Variants in SLC5A8 observed in about 807,000 individuals in gnomAD.
The protein encoded by SLC5A8 is solute carrier family 5 member 8.
Under a neutral mutation model 71.9 loss-of-function variants are expected in SLC5A8, and 55 were observed. The observed-to-expected ratio is 0.77, with a 90% CI of 0.62 to 0.96. The LOEUF (loss-of-function observed/expected upper bound fraction) is 0.96. SLC5A8 is among the 40% of genes least tolerant of loss of function. The pLI is 0.00. For missense variants in SLC5A8, 701 were observed against 745.3 expected (o/e 0.94, Z 0.69); for synonymous variants, 307 against 276.1 (o/e 1.11, Z -1.11).
intron 10 of SLC5A8, 129 bp downstream of exon 10, chr12:101,179,900 T>C: frequency 1.1e-6 from 1 of 898,036 alleles, no homozygotes; most frequent in Non-Finnish European, 1.8e-6. Flanking sequence ...TTAAAAAGTG[T>C]AGTCATCCCT....
At chr12:101,180,297 C>T (rs914414101) in intron 9 of SLC5A8, among the ~76,000 whole-genome samples, 1 of 152,204 alleles carries the variant, frequency 6.6e-6, no homozygotes, top group Non-Finnish European at 1.5e-5. Context: ...GAAGCCCTTA[C>T]ATTGTGTCCC....
intron 10 of SLC5A8, among the ~76,000 whole-genome samples, chr12:101,176,245 G>T (rs976285484): frequency 6.6e-6 from 1 of 151,892 alleles, no homozygotes; most frequent in African/African-American, 2.4e-5. Flanking sequence ...ATTTCTCAGA[G>T]ACAGATAGGC....
At chr12:101,159,881 T>C (rs780150237) in intron 13 of SLC5A8, among the ~76,000 whole-genome samples, 1 of 152,124 alleles carries the variant, frequency 6.6e-6, no homozygotes, top group Non-Finnish European at 1.5e-5. Context: ...TGGGAAAAGA[T>C]GAAAATCTGT....
At chr12:101,202,445 C>T (rs1425088109) in intron 2 of SLC5A8, among the ~76,000 whole-genome samples, 1 of 151,956 alleles carries the variant, frequency 6.6e-6, no homozygotes, top group Non-Finnish European at 1.5e-5. Flanking sequence ...TTGTGACCGG[C>T]TTATGTAAAA....
At chr12:101,157,678 A>G (rs757632723) in intron 14 of SLC5A8, among the ~76,000 whole-genome samples, 11 of 152,186 alleles carry the variant, frequency 7.2e-5, no homozygotes, top group Non-Finnish European at 1.5e-4. Flanking sequence ...GAGATATAAC[A>G]GATATAAGTT....
At position 101,195,177 on chromosome 12, in the gene SLC5A8, A is replaced by G; in HGVS notation, c.470-15T>C. ...AAATCCTGTGACTGTAGAAAAAAAT[A>G]GAATGCATATATAATTGTGAAATAT... On this transcript the variant is annotated splice_polypyrimidine_tract_variant and intron_variant, in intron 3 of 14. Coordinates refer to ENST00000536262, the MANE Select transcript of SLC5A8 (RefSeq NM_145913.5). The G allele has an allele frequency of 6.2e-7, 1 of 1,613,082 alleles. No individual in the cohort carries two copies. Among genetic ancestry groups the G allele is most frequent in the South Asian group, 1.1e-5 (1 of 90,852 alleles).
chr12:101,195,865 T>G (rs541603120), intron 3 of SLC5A8, among the ~76,000 whole-genome samples: 76 of 152,056 alleles, frequency 5.0e-4, no homozygotes, highest in African/African-American at 1.7e-3. Flanking sequence ...CCCAGCTAAT[T>G]TTTTGTACTT....
chr12:101,184,324 A>G, intron 7 of SLC5A8, 102 bp from the exon 8 acceptor site: 1 of 934,736 alleles, frequency 1.1e-6, no homozygotes, highest in South Asian at 1.6e-5. Flanking sequence ...AACTGAAAGG[A>G]GTTATTCCAC....
At chr12:101,160,480 A>G (rs2051713899) in intron 13 of SLC5A8, among the ~76,000 whole-genome samples, 1 of 152,212 alleles carries the variant, frequency 6.6e-6, no homozygotes, top group African/African-American at 2.4e-5. Context: ...GGAGCAAACA[A>G]AGACATCAGA....
chr12:101,193,617 A>G lies in SLC5A8; in HGVS notation c.692+8T>C. On this transcript the variant is annotated splice_region_variant and intron_variant, in intron 5 of 14. Coordinates refer to ENST00000536262, the MANE Select transcript of SLC5A8 (RefSeq NM_145913.5). The stretch of plus-strand genomic sequence containing the variant: ...ATGTGTTCAGTTACCCAAGTACTAG[A>G]CACTTACTTCCAGAAATTTAATCTT... 1 of 1,612,508 alleles carries G rather than the reference A, an allele frequency of 6.2e-7. No homozygotes were observed. The highest frequency in any genetic ancestry group is 8.5e-7 in the Non-Finnish European group (1 of 1,179,342).
chr12:101,160,488 A>G (rs2051713966), intron 13 of SLC5A8, among the ~76,000 whole-genome samples: 1 of 152,198 alleles, frequency 6.6e-6, no homozygotes, highest in Non-Finnish European at 1.5e-5. Flanking sequence ...CAAAGACATC[A>G]GACATCCTTG....
intron 10 of SLC5A8, among the ~76,000 whole-genome samples, chr12:101,174,150 C>T (rs1383974159): frequency 6.6e-6 from 1 of 152,194 alleles, no homozygotes; most frequent in Non-Finnish European, 1.5e-5. Flanking sequence ...GTCACCCTTT[C>T]CCAGTCCTTC....
Position 101,168,195 on chromosome 12 carries a change from T to A in SLC5A8, c.1234-13A>T, listed in dbSNP as rs2051792043. 2 of 1,588,186 alleles carry A rather than the reference T, an allele frequency of 1.3e-6. No homozygotes were observed. Among genetic ancestry groups the A allele is most frequent in the East Asian group, 4.5e-5 (2 of 44,314 alleles). On this transcript the variant is annotated splice_polypyrimidine_tract_variant and intron_variant, in intron 10 of 14. Coordinates refer to ENST00000536262, the MANE Select transcript of SLC5A8 (RefSeq NM_145913.5). ...CGCTGAGTGCTGCCTACAAAAATAA[T>A]ACAACGTCAGCAATTAGCAATCTCA...
chr12:101,193,473 C>T (rs1448855447), intron 5 of SLC5A8, 152 bp downstream of exon 5: 3 of 814,662 alleles, frequency 3.7e-6, no homozygotes, highest in Non-Finnish European at 5.7e-6. Flanking sequence ...AGGGAGGCTC[C>T]TTACGTATTT....
At chr12:101,164,097 G>T (rs1366833994) in intron 12 of SLC5A8, among the ~76,000 whole-genome samples, 2 of 151,962 alleles carry the variant, frequency 1.3e-5, no homozygotes, top group African/African-American at 4.8e-5. Context: ...TAACCATATA[G>T]GAAAAAACTG....
At chr12:101,157,562 G>A (rs1475411234) in intron 14 of SLC5A8, among the ~76,000 whole-genome samples, 161 bp from the exon 15 acceptor site, 1 of 152,020 alleles carries the variant, frequency 6.6e-6, no homozygotes, top group Non-Finnish European at 1.5e-5. Context: ...AGAGGATACC[G>A]AGATATTCAA....
intron 5 of SLC5A8, among the ~76,000 whole-genome samples, chr12:101,192,753 C>T (rs937596691): frequency 2.6e-5 from 4 of 152,142 alleles, no homozygotes; most frequent in African/African-American, 7.2e-5. Context: ...AATACATACA[C>T]ATACATAGAA....
At chr12:101,203,393 G>C (rs923391401) in intron 2 of SLC5A8, among the ~76,000 whole-genome samples, 2 of 152,162 alleles carry the variant, frequency 1.3e-5, no homozygotes, top group Admixed American at 1.3e-4. Flanking sequence ...TGTCACCCAG[G>C]CTGGGGTGCA....
In SLC5A8 at chr12:101,187,404, T is replaced by C; in HGVS notation, c.945A>G (p.Lys315=). The C allele has an allele frequency of 3.7e-6, 6 of 1,613,846 alleles. No homozygotes were observed. Among genetic ancestry groups the C allele is most frequent in the South Asian group, 1.1e-5 (1 of 90,960 alleles). Residue 315 remains lysine, a synonymous_variant, in exon 7 of 15, where the codon AAA becomes AAG. Coordinates refer to ENST00000536262, the MANE Select transcript of SLC5A8 (RefSeq NM_145913.5). ...YHDCDPWTAK[K]VSAPDQLMPY... ...ACTGAACCTGGTCTGGTGCAGACAC[T>C]TTCTTGGCTGTCCAAGGATCACAGT...
Sources: allele counts gnomAD v4.1 joint callset (sites outside exome capture counted in the v4.1 genomes callset), GRCh38; gene constraint gnomAD v4.1.1; transcripts MANE v1.5; gene names NCBI Gene and HGNC (gene_info 2026-07-23, HGNC 2026-07-21).